NBAS: variants seen among roughly 807,000 people sequenced by gnomAD.
The protein encoded by NBAS is NAG/BC035112 fusion.
Under a neutral mutation model 302.5 loss-of-function variants are expected in NBAS, and 219 were observed. The observed-to-expected ratio is 0.72, with a 90% confidence interval of 0.65 to 0.81. The LOEUF is 0.81. Among genes scored for constraint, NBAS ranks in the 30% least tolerant of loss-of-function variants. The pLI, the probability that NBAS is intolerant of heterozygous loss-of-function variation, is 0.00. For synonymous variants in NBAS, 1,118 were observed against 1,021.6 expected (o/e 1.09, Z -1.80); for missense variants, 2,932 against 2,841.6 (o/e 1.03, Z -0.72).
chr2:15,351,889 C>T, intron 35 of NBAS, 103 bp downstream of exon 35: 1 of 817,098 alleles, frequency 1.2e-6, no homozygotes. Flanking sequence ...CACACACACA[C>T]ACACACACAC....
At chr2:15,021,189 T>C in the NBAS span, among the ~76,000 whole-genome samples, 2,136 of 152,114 alleles carry the variant, frequency 0.014, 60 homozygotes, top group African/African-American at 0.049. Context: ...GCCGAGTTCT[T>C]GCCACTGCAC....
chr2:14,972,860 C>G, the NBAS span, among the ~76,000 whole-genome samples: 1 of 152,206 alleles, frequency 6.6e-6, no homozygotes, highest in Non-Finnish European at 1.5e-5. Context: ...TCGGCTGTCT[C>G]CAGGGATGAC....
chr2:14,849,531 C>T, the NBAS span, among the ~76,000 whole-genome samples: 1 of 151,466 alleles, frequency 6.6e-6, no homozygotes, highest in African/African-American at 2.4e-5. Flanking sequence ...GGAGAACTTC[C>T]CCAACCTAGC....
chr2:15,401,096 G>A (rs1266329786), intron 26 of NBAS, among the ~76,000 whole-genome samples: 4 of 151,796 alleles, frequency 2.6e-5, no homozygotes, highest in Admixed American at 1.3e-4. Flanking sequence ...CACCCTTCAC[G>A]ACTTGGTTAA....
At chr2:15,101,112 C>T in the NBAS span, among the ~76,000 whole-genome samples, 6 of 152,278 alleles carry the variant, frequency 3.9e-5, no homozygotes, top group East Asian at 1.9e-4. Context: ...CCATTTGGAT[C>T]GACACCTCTT....
the NBAS span, among the ~76,000 whole-genome samples, chr2:14,946,041 C>T: frequency 6.6e-6 from 1 of 152,276 alleles, no homozygotes; most frequent in East Asian, 1.9e-4. Flanking sequence ...CACTGCACTC[C>T]AGCCTGGGTG....
At chr2:15,266,489 G>A (rs760263114) in intron 44 of NBAS, among the ~76,000 whole-genome samples, 3 of 152,098 alleles carry the variant, frequency 2.0e-5, no homozygotes, top group African/African-American at 4.8e-5. Context: ...GGGAGAAACC[G>A]ACAGGATCCT....
chr2:14,797,085 A>C, the NBAS span, among the ~76,000 whole-genome samples: 3 of 116,418 alleles, frequency 2.6e-5, no homozygotes, highest in Admixed American at 8.9e-5. Flanking sequence ...ACAGAGCGAG[A>C]CTCCGTCTCA....
At chr2:15,235,213 T>A (rs1180770751) in intron 45 of NBAS, among the ~76,000 whole-genome samples, 1 of 152,206 alleles carries the variant, frequency 6.6e-6, no homozygotes, top group African/African-American at 2.4e-5. Flanking sequence ...TTAATACTTG[T>A]AATAACCCGG....
intron 44 of NBAS, among the ~76,000 whole-genome samples, chr2:15,257,719 G>C (rs774848960): frequency 1.3e-5 from 2 of 152,108 alleles, no homozygotes; most frequent in East Asian, 3.9e-4. Context: ...TAAATGAGGC[G>C]TCTGCTGATA....
chr2:15,061,099 T>A, the NBAS span, among the ~76,000 whole-genome samples: 1 of 152,272 alleles, frequency 6.6e-6, no homozygotes, highest in Admixed American at 6.5e-5. Context: ...GGGCTCAGGA[T>A]GAGATGATAA....
intron 50 of NBAS, among the ~76,000 whole-genome samples, chr2:15,185,847 T>C (rs1325381666): frequency 6.6e-6 from 1 of 152,174 alleles, no homozygotes; most frequent in African/African-American, 2.4e-5. Flanking sequence ...AATATTTTCC[T>C]TGAGTGATTA....
chr2:15,215,608 A>G (rs1192344237), intron 48 of NBAS, among the ~76,000 whole-genome samples: 1 of 152,218 alleles, frequency 6.6e-6, no homozygotes, highest in Non-Finnish European at 1.5e-5. Context: ...AGAAGGGGAT[A>G]GAGAGAAAAT....
intron 21 of NBAS, among the ~76,000 whole-genome samples, chr2:15,457,064 A>T (rs1342927504): frequency 1.3e-5 from 2 of 152,176 alleles, no homozygotes; most frequent in Non-Finnish European, 2.9e-5. Flanking sequence ...ACTAAATTAA[A>T]AAGACCCAGG....
At chr2:15,338,018 T>C (rs2148257446) in intron 35 of NBAS, among the ~76,000 whole-genome samples, 1 of 152,184 alleles carries the variant, frequency 6.6e-6, no homozygotes, top group East Asian at 1.9e-4. Context: ...GTAAAGTGTG[T>C]TACACAGCTC....
At chr2:15,084,404 C>G in the NBAS span, among the ~76,000 whole-genome samples, 1 of 152,116 alleles carries the variant, frequency 6.6e-6, no homozygotes, top group African/African-American at 2.4e-5. Flanking sequence ...AATGTAAAAA[C>G]AAAAACAAAA....
chr2:15,441,931 G>A (rs914792977), intron 21 of NBAS, among the ~76,000 whole-genome samples: 5 of 150,310 alleles, frequency 3.3e-5, no homozygotes, highest in African/African-American at 4.9e-5. Flanking sequence ...TAATAGTAAA[G>A]GGATCAATTC....
At chr2:15,058,203 G>A in the NBAS span, among the ~76,000 whole-genome samples, 3 of 152,184 alleles carry the variant, frequency 2.0e-5, no homozygotes, top group Non-Finnish European at 4.4e-5. Flanking sequence ...AATGCAGAGC[G>A]TGGGAAGAAA....
the NBAS span, among the ~76,000 whole-genome samples, chr2:14,860,556 T>C: frequency 6.6e-6 from 1 of 152,164 alleles, no homozygotes; most frequent in South Asian, 2.1e-4. Context: ...TGGAGGTCAT[T>C]ATATTAAGTG....
Sources: gnomAD v4.1 joint callset for allele counts (sites outside exome capture counted in the v4.1 genomes callset) on GRCh38, gnomAD v4.1.1 for gene constraint, MANE v1.5 for transcripts, NCBI Gene and HGNC (gene_info 2026-07-23, HGNC 2026-07-21) for gene names.